The following TSPAN12 variants were observed in gnomAD, a reference collection of about 807,000 sequenced individuals.
The protein encoded by TSPAN12 is tetraspanin 12.
TSPAN12 carries 19 observed loss-of-function variants against 39.2 expected under a neutral mutation model. The ratio of observed to expected loss-of-function variants is 0.49; its 90% CI spans 0.34 to 0.71. The LOEUF is 0.71. Among genes scored for constraint, TSPAN12 ranks in the 30% least tolerant of loss-of-function variants. TSPAN12 has a pLI of 0.01. For missense variants in TSPAN12, 314 were observed against 359.9 expected (o/e 0.87, Z 1.03); for synonymous variants, 119 against 124.8 (o/e 0.95, Z 0.31).
chr7:120,815,941 G>T, intron 4 of TSPAN12, 138 bp from the exon 5 acceptor site: 1 of 694,310 alleles, frequency 1.4e-6, no homozygotes, highest in Non-Finnish European at 2.5e-6. Context: ...AGCAGATGGG[G>T]AAATTATCAG....
chr7:120,806,998 A>G (rs1793887989), intron 6 of TSPAN12, among the ~76,000 whole-genome samples: 1 of 152,166 alleles, frequency 6.6e-6, no homozygotes. Flanking sequence ...CAGATTGAAC[A>G]TACACACTAA....
chr7:120,802,528 C>T (rs1027358952), intron 7 of TSPAN12, among the ~76,000 whole-genome samples: 13 of 151,952 alleles, frequency 8.6e-5, no homozygotes, highest in East Asian at 1.9e-4. Flanking sequence ...TCTTGTTAAA[C>T]GTATGTATCC....
intron 2 of TSPAN12, among the ~76,000 whole-genome samples, chr7:120,844,674 C>T (rs181841136): frequency 1.6e-4 from 24 of 152,334 alleles, no homozygotes; most frequent in African/African-American, 5.8e-4. Context: ...GGTGGGCCCC[C>T]AAGGCTTTGG....
At position 120,806,837 on chromosome 7, in the gene TSPAN12, G is replaced by T. The variant is rs1584929799; in HGVS notation, c.469-145C>A. 8 of 1,041,002 alleles carry T rather than the reference G, an allele frequency of 7.7e-6. 1 individual carries two copies. The Admixed American group carries it at 1.5e-4, about 19-fold the overall frequency. The allele number at this position is 1,041,002 out of a possible 1,614,324, so 64.5% of individuals were successfully genotyped here. The stretch of plus-strand genomic sequence containing the variant: ...TGATATATGTACAGTCTATGTTGAT[G>T]ATAGAAATGTAGTAAAGGAACACCA... On this transcript the variant is annotated intron_variant, in intron 6 of 7. Coordinates refer to ENST00000222747, the MANE Select transcript of TSPAN12 (RefSeq NM_012338.4).
At chr7:120,822,546 G>A (rs946005202) in intron 4 of TSPAN12, among the ~76,000 whole-genome samples, 7 of 152,150 alleles carry the variant, frequency 4.6e-5, no homozygotes, top group African/African-American at 1.7e-4. Context: ...GAGCAGAGTG[G>A]CAAATTCCTC....
intron 7 of TSPAN12, among the ~76,000 whole-genome samples, chr7:120,801,372 C>A (rs1236914756): frequency 6.6e-6 from 1 of 152,118 alleles, no homozygotes; most frequent in Non-Finnish European, 1.5e-5. Context: ...TCTAAAGAGG[C>A]ATAAATGGGT....
At chr7:120,820,346 C>T (rs115211919) in intron 4 of TSPAN12, among the ~76,000 whole-genome samples, 1 of 152,046 alleles carries the variant, frequency 6.6e-6, no homozygotes, top group Non-Finnish European at 1.5e-5. Context: ...TTGCCATCAA[C>T]GTAGATTTGA....
chr7:120,851,298 G>A (rs747989288), intron 2 of TSPAN12, among the ~76,000 whole-genome samples: 1 of 152,068 alleles, frequency 6.6e-6, no homozygotes, highest in Non-Finnish European at 1.5e-5. Flanking sequence ...CATCTGCCAC[G>A]CATATATCTC....
chr7:120,853,495 C>T (rs866526847), intron 2 of TSPAN12, among the ~76,000 whole-genome samples: 4 of 127,376 alleles, frequency 3.1e-5, no homozygotes, highest in African/African-American at 9.4e-5. Context: ...TATATATATA[C>T]ACACACATAT....
chr7:120,848,657 C>A (rs1478749308), intron 2 of TSPAN12, among the ~76,000 whole-genome samples: 1 of 151,902 alleles, frequency 6.6e-6, no homozygotes, highest in Non-Finnish European at 1.5e-5. Flanking sequence ...AGGAGTATAC[C>A]CAAACATTGC....
chr7:120,812,046 T>C (rs1256992299), intron 5 of TSPAN12, among the ~76,000 whole-genome samples: 2 of 152,100 alleles, frequency 1.3e-5, no homozygotes, highest in African/African-American at 2.4e-5. Context: ...CAAAAACCTA[T>C]TGAAATAAAA....
intron 2 of TSPAN12, among the ~76,000 whole-genome samples, chr7:120,855,053 A>G (rs1319316424): frequency 1.3e-5 from 2 of 152,232 alleles, no homozygotes; most frequent in Non-Finnish European, 2.9e-5. Context: ...TGCAAATTTC[A>G]TTTCCAAGAG....
chr7:120,850,662 G>C (rs1325146934), intron 2 of TSPAN12, among the ~76,000 whole-genome samples: 1 of 151,880 alleles, frequency 6.6e-6, no homozygotes, highest in East Asian at 1.9e-4. Flanking sequence ...TATATAAAAA[G>C]GTCGATCAGC....
At chr7:120,807,176 C>T (rs376056073) in intron 6 of TSPAN12, among the ~76,000 whole-genome samples, 11 of 152,162 alleles carry the variant, frequency 7.2e-5, no homozygotes, top group African/African-American at 2.6e-4. Flanking sequence ...TAGCAGACAT[C>T]GATTCCTTAG....
chr7:120,857,523 G>C (rs1473645105), intron 1 of TSPAN12, among the ~76,000 whole-genome samples: 1 of 151,976 alleles, frequency 6.6e-6, no homozygotes, highest in Admixed American at 6.5e-5. Context: ...GGGGGGCGCC[G>C]GGGAATTAGG....
At chr7:120,834,534 T>C (rs1222606543) in intron 4 of TSPAN12, among the ~76,000 whole-genome samples, 2 of 152,194 alleles carry the variant, frequency 1.3e-5, no homozygotes, top group East Asian at 1.9e-4. Context: ...TGTTGAATAA[T>C]GGCATTTTTA....
At position 120,810,584 on chromosome 7, in the gene TSPAN12, G is replaced by T; in HGVS notation, c.361-14C>A. 1 of 1,487,738 alleles carries T rather than the reference G, an allele frequency of 6.7e-7. No individual in the cohort carries two copies. Among genetic ancestry groups the T allele is most frequent in the Non-Finnish European group, 9.4e-7 (1 of 1,067,416 alleles). 92.2% of individuals were successfully genotyped at this position (1,487,738 alleles called of 1,614,324 possible). ...TTGTACTGGAACCTGGTGATAAAAA[G>T]CAAAATATCAACAGCTGTAGCTCAC... On this transcript the variant is annotated splice_polypyrimidine_tract_variant and intron_variant, in intron 5 of 7. Coordinates refer to ENST00000222747, the MANE Select transcript of TSPAN12 (RefSeq NM_012338.4).
At chr7:120,822,281 G>A (rs1794202239) in intron 4 of TSPAN12, among the ~76,000 whole-genome samples, 1 of 151,878 alleles carries the variant, frequency 6.6e-6, no homozygotes, top group Admixed American at 6.6e-5. Context: ...CTCAAGGAAG[G>A]CCCTTTTCTT....
intron 7 of TSPAN12, among the ~76,000 whole-genome samples, chr7:120,802,475 T>G (rs1305330331): frequency 1.3e-5 from 2 of 152,178 alleles, no homozygotes; most frequent in Admixed American, 6.5e-5. Context: ...GTCTTCAAAG[T>G]GCTTACCACC....
Sources: allele counts gnomAD v4.1 joint callset (sites outside exome capture counted in the v4.1 genomes callset), GRCh38; gene constraint gnomAD v4.1.1; transcripts MANE v1.5; gene names NCBI Gene and HGNC (gene_info 2026-07-23, HGNC 2026-07-21).